Variants in WWC2 observed in about 807,000 individuals in gnomAD.
WWC2 encodes protein WWC2.
In WWC2, 101 loss-of-function variants were observed where a neutral mutation model predicts 138.5. That is an observed-to-expected ratio of 0.73 (90% confidence interval 0.62 to 0.86). WWC2 has a LOEUF of 0.86. Among genes scored for constraint, WWC2 ranks in the 40% least tolerant of loss-of-function variants. The pLI is 0.00. For missense variants in WWC2, 1,420 were observed against 1,419.4 expected (o/e 1.00, Z -0.01); for synonymous variants, 558 against 538.4 (o/e 1.04, Z -0.50).
intron 18 of WWC2, among the ~76,000 whole-genome samples, chr4:183,283,948 A>G (rs1560886019): frequency 2.0e-5 from 3 of 152,202 alleles, no homozygotes; most frequent in South Asian, 4.2e-4. Context: ...CAGCACCTCT[A>G]TTTATGGTGC....
intron 16 of WWC2, among the ~76,000 whole-genome samples, chr4:183,280,229 G>GGTTTT (rs1738018362): frequency 6.1e-5 from 4 of 65,436 alleles, no homozygotes; most frequent in Non-Finnish European, 8.0e-5. Context: ...GATAGCAGCT[G>GGTTTT]TTTTTTTTTT....
chr4:183,222,055 A>G (rs1735949196), intron 4 of WWC2, among the ~76,000 whole-genome samples: 1 of 152,180 alleles, frequency 6.6e-6, no homozygotes. Flanking sequence ...ATAAAATGTA[A>G]TTTAAAAGGA....
At chr4:183,201,367 A>G (rs2111226516) in intron 2 of WWC2, among the ~76,000 whole-genome samples, 1 of 152,342 alleles carries the variant, frequency 6.6e-6, no homozygotes, top group South Asian at 2.1e-4. Flanking sequence ...ACTACTTTAG[A>G]GAAAGCTCAA....
intron 1 of WWC2, among the ~76,000 whole-genome samples, chr4:183,157,259 T>C (rs552062694): frequency 6.6e-6 from 1 of 152,340 alleles, no homozygotes; most frequent in Non-Finnish European, 1.5e-5. Flanking sequence ...AATTCGTGTT[T>C]GTCTGATATT....
intron 6 of WWC2, among the ~76,000 whole-genome samples, chr4:183,248,058 A>C (rs995526971): frequency 1.3e-5 from 2 of 152,092 alleles, no homozygotes; most frequent in African/African-American, 4.8e-5. Context: ...AAGTAAACAC[A>C]GTTTATTAAA....
At chr4:183,130,056 CTT>C (rs534398108) in intron 1 of WWC2, among the ~76,000 whole-genome samples, 25 of 139,654 alleles carry the variant, frequency 1.8e-4, no homozygotes, top group Middle Eastern at 3.8e-3. Flanking sequence ...TCCTAAGTAT[CTT>C]TTTTTTTTTT....
chr4:183,189,408 G>T (rs1734925001), intron 1 of WWC2, among the ~76,000 whole-genome samples: 1 of 151,264 alleles, frequency 6.6e-6, no homozygotes. Context: ...CTGCACTGTG[G>T]CCTGGGTGAT....
chr4:183,159,588 A>T (rs1420672085), intron 1 of WWC2, among the ~76,000 whole-genome samples: 1 of 152,018 alleles, frequency 6.6e-6, no homozygotes. Context: ...TATTTTCAGT[A>T]GAGACCAGTT....
At chr4:183,199,114 G>A (rs1305196545) in intron 2 of WWC2, among the ~76,000 whole-genome samples, 2 of 152,088 alleles carry the variant, frequency 1.3e-5, no homozygotes, top group East Asian at 1.9e-4. Context: ...AGAAAAAGAC[G>A]GTGGGGAAGA....
At chr4:183,251,102 T>G (rs997984506) in intron 8 of WWC2, among the ~76,000 whole-genome samples, 2 of 152,258 alleles carry the variant, frequency 1.3e-5, no homozygotes, top group African/African-American at 4.8e-5. Context: ...TTTACTCAGC[T>G]AATTTTAATG....
intron 21 of WWC2, among the ~76,000 whole-genome samples, chr4:183,293,103 C>T (rs1439520445): frequency 1.3e-5 from 2 of 152,188 alleles, no homozygotes; most frequent in African/African-American, 2.4e-5. Flanking sequence ...TACAGGTGCA[C>T]ACCGCCACAC....
chr4:183,257,856 G>A (rs1002138860), intron 9 of WWC2, among the ~76,000 whole-genome samples: 4 of 152,030 alleles, frequency 2.6e-5, no homozygotes, highest in African/African-American at 9.7e-5. Flanking sequence ...TGTGCTGCAG[G>A]GAGAAAGGGC....
chr4:183,191,918 G>T (rs1735002699), intron 1 of WWC2, among the ~76,000 whole-genome samples: 1 of 151,992 alleles, frequency 6.6e-6, no homozygotes, highest in African/African-American at 2.4e-5. Flanking sequence ...TAGAGACAGG[G>T]TCTCACTGTG....
chr4:183,177,171 ACTT>A (rs1734492552), intron 1 of WWC2, among the ~76,000 whole-genome samples: 1 of 152,228 alleles, frequency 6.6e-6, no homozygotes, highest in Non-Finnish European at 1.5e-5. Flanking sequence ...GATAGTGACT[ACTT>A]TAGATAGACT....
intron 1 of WWC2, among the ~76,000 whole-genome samples, chr4:183,120,890 A>G (rs1260641660): frequency 5.9e-5 from 9 of 152,188 alleles, no homozygotes; most frequent in Admixed American, 5.9e-4. Context: ...CTGGGCTCAC[A>G]GGCATGAGCC....
chr4:183,172,556 G>GTTTTTTTTTTTTTTTTTT (rs61599876), intron 1 of WWC2, among the ~76,000 whole-genome samples: 26 of 112,998 alleles, frequency 2.3e-4, no homozygotes, highest in East Asian at 5.4e-4. Context: ...TATGTTTCTT[G>GTTTTTTTTTTTTTTTTTT]TTTTTTTTTT....
intron 1 of WWC2, among the ~76,000 whole-genome samples, chr4:183,128,823 A>C (rs745803766): frequency 2.6e-5 from 4 of 152,208 alleles, no homozygotes; most frequent in Non-Finnish European, 5.9e-5. Context: ...CCTCCAAAAT[A>C]ATGTGTCCCA....
At chr4:183,294,580 G>A (rs748336217) in intron 21 of WWC2, among the ~76,000 whole-genome samples, 6 of 152,222 alleles carry the variant, frequency 3.9e-5, no homozygotes, top group African/African-American at 7.2e-5. Flanking sequence ...CAGTGTGGCA[G>A]TAGTATAAGT....
chr4:183,192,205 G>A (rs935039188), intron 1 of WWC2, among the ~76,000 whole-genome samples: 1 of 152,184 alleles, frequency 6.6e-6, no homozygotes, highest in East Asian at 1.9e-4. Flanking sequence ...TAATGTCCTG[G>A]ATGCTCTTCC....
Sources: allele counts gnomAD v4.1 joint callset (sites outside exome capture counted in the v4.1 genomes callset), GRCh38; gene constraint gnomAD v4.1.1; transcripts MANE v1.5; gene names NCBI Gene and HGNC (gene_info 2026-07-23, HGNC 2026-07-21).